Variants in DCC observed in about 807,000 individuals in gnomAD.
DCC encodes the protein netrin receptor DCC.
Under a neutral mutation model 172.5 loss-of-function variants are expected in DCC, and 58 were observed. The observed-to-expected ratio is 0.34, with a 90% confidence interval of 0.27 to 0.42. DCC has a LOEUF of 0.42. Ranked by LOEUF, DCC falls within the 10% of genes least tolerant of loss-of-function variation. The probability of loss-of-function intolerance (pLI) is 1.00; values close to 1 mark genes in which losing one functional copy is unlikely to be tolerated. For synonymous variants in DCC, 709 were observed against 644.5 expected (o/e 1.10, Z -1.52); for missense variants, 1,740 against 1,791.0 (o/e 0.97, Z 0.51).
At chr18:52,967,313 T>TA (rs2040950979) in intron 5 of DCC, among the ~76,000 whole-genome samples, 1 of 152,122 alleles carries the variant, frequency 6.6e-6, no homozygotes, top group Non-Finnish European at 1.5e-5. Context: ...TCTCCCAAGG[T>TA]AGAGTTAACT....
chr18:53,260,690 T>C (rs2056585353), intron 12 of DCC, among the ~76,000 whole-genome samples: 1 of 152,136 alleles, frequency 6.6e-6, no homozygotes, highest in Non-Finnish European at 1.5e-5. Context: ...TTGTCAGATC[T>C]CCAGCCATGT....
At chr18:53,358,107 A>G (rs983507064) in intron 15 of DCC, among the ~76,000 whole-genome samples, 2 of 152,176 alleles carry the variant, frequency 1.3e-5, no homozygotes, top group Admixed American at 1.3e-4. Context: ...CAATTACTAT[A>G]TTCTAAATGT....
chr18:52,498,597 C>T (rs1306041711), intron 1 of DCC, among the ~76,000 whole-genome samples: 1 of 152,182 alleles, frequency 6.6e-6, no homozygotes, highest in Admixed American at 6.5e-5. Context: ...GCACTCCAGC[C>T]TGGGACACAG....
chr18:53,417,123 G>A (rs1302276806), intron 21 of DCC, among the ~76,000 whole-genome samples: 3 of 152,170 alleles, frequency 2.0e-5, no homozygotes, highest in Non-Finnish European at 2.9e-5. Context: ...GCACCATGTC[G>A]TGAGATTAGG....
At chr18:53,182,194 A>C (rs571936648) in intron 9 of DCC, among the ~76,000 whole-genome samples, 18 of 152,352 alleles carry the variant, frequency 1.2e-4, no homozygotes, top group African/African-American at 4.3e-4. Flanking sequence ...TCTATTCTCT[A>C]AGAAATGAAA....
At chr18:52,674,750 G>A (rs1367671963) in intron 1 of DCC, among the ~76,000 whole-genome samples, 2 of 152,162 alleles carry the variant, frequency 1.3e-5, no homozygotes, top group African/African-American at 2.4e-5. Context: ...GAAGCAAAGT[G>A]TAAACCAAAA....
chr18:52,966,678 G>A (rs189896059), intron 5 of DCC, among the ~76,000 whole-genome samples: 2 of 152,260 alleles, frequency 1.3e-5, no homozygotes, highest in Non-Finnish European at 2.9e-5. Context: ...TATGTTAGGC[G>A]ACAGCTCTTC....
intron 2 of DCC, among the ~76,000 whole-genome samples, chr18:52,784,235 T>A (rs1258344436): frequency 6.6e-6 from 1 of 151,380 alleles, no homozygotes; most frequent in African/African-American, 2.4e-5. Flanking sequence ...ATTTCTGTGT[T>A]GCTGCAAATA....
At chr18:53,413,591 G>A (rs188287874) in intron 20 of DCC, among the ~76,000 whole-genome samples, 79 of 152,286 alleles carry the variant, frequency 5.2e-4, no homozygotes, top group African/African-American at 1.8e-3. Context: ...AGATAAAAAT[G>A]AGAATGGGTT....
chr18:53,124,242 C>A (rs748738640), intron 7 of DCC, among the ~76,000 whole-genome samples: 1 of 152,036 alleles, frequency 6.6e-6, no homozygotes, highest in Non-Finnish European at 1.5e-5. Flanking sequence ...TAGAACACTA[C>A]AACTAATGAT....
intron 5 of DCC, among the ~76,000 whole-genome samples, chr18:52,927,349 A>C (rs1391476389): frequency 6.6e-6 from 1 of 151,550 alleles, no homozygotes; most frequent in Non-Finnish European, 1.5e-5. Context: ...TACAAAATAG[A>C]TGCTGTTTGA....
chr18:53,143,302 T>A (rs1314038279), intron 7 of DCC, among the ~76,000 whole-genome samples: 1 of 152,186 alleles, frequency 6.6e-6, no homozygotes, highest in Non-Finnish European at 1.5e-5. Flanking sequence ...AATACAACTC[T>A]AGATAGTTAA....
chr18:52,459,339 C>A (rs947153507), intron 1 of DCC, among the ~76,000 whole-genome samples: 3 of 152,150 alleles, frequency 2.0e-5, no homozygotes, highest in Non-Finnish European at 4.4e-5. Context: ...TTCTGATCCT[C>A]TTCCTCCTCC....
chr18:52,601,753 G>A (rs1598947221), intron 1 of DCC, among the ~76,000 whole-genome samples: 1 of 151,844 alleles, frequency 6.6e-6, no homozygotes, highest in East Asian at 1.9e-4. Flanking sequence ...AGATCTTTTT[G>A]CATGCCTATA....
At chr18:52,569,360 A>G (rs1012571755) in intron 1 of DCC, among the ~76,000 whole-genome samples, 2 of 152,170 alleles carry the variant, frequency 1.3e-5, no homozygotes, top group Non-Finnish European at 2.9e-5. Flanking sequence ...TTAATGATCA[A>G]CCTCACAGAG....
At chr18:52,431,069 T>G (rs2144467446) in intron 1 of DCC, among the ~76,000 whole-genome samples, 2 of 152,210 alleles carry the variant, frequency 1.3e-5, no homozygotes, top group South Asian at 4.1e-4. Context: ...CTTAATACCC[T>G]TCACAGTGAT....
Position 53,079,369 on chromosome 18 carries a change from T to G in DCC, c.1261+13203T>G, listed in dbSNP as rs144252739. Among the ~76,000 whole-genome samples the G allele has an allele frequency of 3.3e-5, 5 of 152,242 alleles. No homozygotes were observed. The East Asian group carries it at 7.7e-4, about 24-fold the overall frequency. The stretch of plus-strand genomic sequence containing the variant: ...TTGATAAAATATTTTAGATCTTCTT[T>G]AATACGCTTGCTTATATAGAAACAG... On this transcript the variant is annotated intron_variant, in intron 7 of 28. Transcript: ENST00000442544.
At chr18:53,224,076 A>G (rs766456776) in intron 12 of DCC, among the ~76,000 whole-genome samples, 1 of 152,204 alleles carries the variant, frequency 6.6e-6, no homozygotes. Context: ...GAGCTTACTT[A>G]TATTCTAATA....
chr18:52,781,388 A>T (rs556917554), intron 2 of DCC, among the ~76,000 whole-genome samples: 131 of 143,300 alleles, frequency 9.1e-4, no homozygotes, highest in African/African-American at 3.3e-3. Flanking sequence ...TCCGAGCTCC[A>T]ACAGGATCCA....
Sources: gnomAD v4.1 joint callset for allele counts (sites outside exome capture counted in the v4.1 genomes callset) on GRCh38, gnomAD v4.1.1 for gene constraint, MANE v1.5 for transcripts, NCBI Gene and HGNC (gene_info 2026-07-23, HGNC 2026-07-21) for gene names.